SSX2IP: variants seen among roughly 807,000 people sequenced by gnomAD.
SSX2IP encodes SSX family member 2 interacting protein, also known as afadin- and alpha-actinin-binding protein.
SSX2IP carries 55 observed loss-of-function variants against 84.9 expected under a neutral mutation model. The observed-to-expected ratio is 0.65, with a 90% CI of 0.52 to 0.81. SSX2IP has a LOEUF of 0.81. Among genes scored for constraint, SSX2IP ranks in the 30% least tolerant of loss-of-function variants. The probability of loss-of-function intolerance (pLI) is 0.00; values close to 1 mark genes in which losing one functional copy is unlikely to be tolerated. For synonymous variants in SSX2IP, 239 were observed against 234.7 expected (o/e 1.02, Z -0.17); for missense variants, 664 against 705.2 (o/e 0.94, Z 0.66).
intron 8 of SSX2IP, 53 bp from the exon 9 acceptor site, chr1:84,658,521 G>C (rs1651462810): frequency 6.4e-7 from 1 of 1,553,312 alleles, no homozygotes; most frequent in Middle Eastern, 1.7e-4. Flanking sequence ...AATGGCTTTA[G>C]ATGCTCAGGC....
At chr1:84,651,548 T>G (rs1650251832) in intron 12 of SSX2IP, among the ~76,000 whole-genome samples, 1 of 151,772 alleles carries the variant, frequency 6.6e-6, no homozygotes, top group African/African-American at 2.4e-5. Context: ...GCCAATATGG[T>G]AAAAACCCGT....
chr1:84,650,471 T>G lies in SSX2IP; in HGVS notation c.1561A>C (p.Ser521Arg). 1 of 1,614,200 alleles carries G rather than the reference T, an allele frequency of 6.2e-7. No individual in the cohort carries two copies. Residue 521 changes from serine (S) to arginine (R), a missense_variant, in exon 13 of 14, where the codon AGT becomes CGT. Ser to Arg is a moderately radical substitution (Grantham distance 110). Transcript: ENST00000342203. ...CAAACTGGAGACCCATTAGACACAC[T>G]GTGAGGCTTCTTTTGCGGCTGCCTC... ...HSRQPQKKPH[S>R]VSNGSPVCMS... is the part of the protein sequence containing the mutation.
intron 1 of SSX2IP, among the ~76,000 whole-genome samples, chr1:84,673,747 T>C (rs544247020): frequency 1.2e-4 from 18 of 152,108 alleles, no homozygotes; most frequent in African/African-American, 3.9e-4. Flanking sequence ...TGGATTGAAA[T>C]GTGGGCAAAA....
chr1:84,671,240 T>C lies in SSX2IP; in HGVS notation c.-21A>G. The C allele has an allele frequency of 6.2e-7, 1 of 1,608,580 alleles. No homozygotes were observed. The highest frequency in any genetic ancestry group is 8.5e-7 in the Non-Finnish European group (1 of 1,177,156). On this transcript the variant is annotated 5_prime_UTR_variant, in exon 2 of 14. Coordinates refer to ENST00000342203, the MANE Select transcript of SSX2IP (RefSeq NM_001166293.2). ...CCCATAGCAATCTCTAGAGCCAGGA[T>C]ACCTGAGGAACTAGTTCAGCAGTTA...
intron 1 of SSX2IP, among the ~76,000 whole-genome samples, chr1:84,686,658 C>G (rs1296603529): frequency 6.6e-6 from 1 of 152,016 alleles, no homozygotes; most frequent in Non-Finnish European, 1.5e-5. Flanking sequence ...TCAACATAAG[C>G]GAGTGAAGCA....
In SSX2IP at chr1:84,652,011, C is replaced by G; in HGVS notation, c.1390-14G>C. ...AAATGCCTTTCTCTACCATAAACAG[C>G]CAAAGAAATAATGATCAATATTTCA... is the stretch of plus-strand genomic sequence containing the variant. On this transcript the variant is annotated splice_polypyrimidine_tract_variant and intron_variant, in intron 11 of 13. Transcript: ENST00000342203. The G allele has an allele frequency of 6.3e-7, 1 of 1,574,822 alleles. No homozygotes were observed. Among genetic ancestry groups the G allele is most frequent in the Non-Finnish European group, 8.7e-7 (1 of 1,145,008 alleles).
chr1:84,658,135 C>T, intron 9 of SSX2IP, 183 bp downstream of exon 9: 3 of 663,388 alleles, frequency 4.5e-6, no homozygotes, highest in East Asian at 3.0e-5. Flanking sequence ...GGTTCTGTCT[C>T]AAAAAGTAAA....
At chr1:84,679,080 G>C (rs1284432066) in intron 1 of SSX2IP, among the ~76,000 whole-genome samples, 2 of 152,170 alleles carry the variant, frequency 1.3e-5, no homozygotes, top group Non-Finnish European at 2.9e-5. Flanking sequence ...AAAACTAAGT[G>C]TTGGGTTAAG....
At chr1:84,672,454 G>A (rs1653714418) in intron 1 of SSX2IP, among the ~76,000 whole-genome samples, 1 of 152,016 alleles carries the variant, frequency 6.6e-6, no homozygotes, top group Non-Finnish European at 1.5e-5. Context: ...CTGTGGGAAA[G>A]GGGAGTGGCT....
chr1:84,689,715 A>C (rs2102671353), intron 1 of SSX2IP, among the ~76,000 whole-genome samples: 1 of 152,370 alleles, frequency 6.6e-6, no homozygotes, highest in East Asian at 1.9e-4. Flanking sequence ...AAAAATGTGC[A>C]GGGAGCTCAC....
At chr1:84,689,940 C>G (rs1042427875) in intron 1 of SSX2IP, among the ~76,000 whole-genome samples, 15 of 152,174 alleles carry the variant, frequency 9.9e-5, no homozygotes, top group African/African-American at 3.4e-4. Context: ...ACTAGCAAAT[C>G]GCCAAACCCC....
chr1:84,678,472 C>T (rs1245393599), intron 1 of SSX2IP, among the ~76,000 whole-genome samples: 5 of 152,166 alleles, frequency 3.3e-5, no homozygotes, highest in Non-Finnish European at 7.3e-5. Flanking sequence ...TCTCTAAGCC[C>T]TCCATATACT....
At chr1:84,670,023 A>T in intron 3 of SSX2IP, 130 bp from the exon 4 acceptor site, 1 of 630,682 alleles carries the variant, frequency 1.6e-6, no homozygotes, top group South Asian at 2.0e-5. Context: ...ACCTCAGCTA[A>T]TAACTACGTA....
At chr1:84,671,432 T>G in intron 1 of SSX2IP, 124 bp from the exon 2 acceptor site, 1 of 633,204 alleles carries the variant, frequency 1.6e-6, no homozygotes, top group Non-Finnish European at 2.4e-6. Context: ...CCTATTCCCA[T>G]GCACAGATAT....
rs1426100189 is a variant in SSX2IP, at chr1:84,646,815, A to G, written c.*618T>C. ...GAGAATTCTTAAATGTAATGCATCA[A>G]TGGTCCTAATACATCTGTAAACAGA... On this transcript the variant is annotated 3_prime_UTR_variant, in exon 14 of 14. Coordinates refer to ENST00000342203, the MANE Select transcript of SSX2IP (RefSeq NM_001166293.2). 1.3e-5 allele frequency: 2 copies of G among 152,576 alleles called. No homozygotes were observed. Among genetic ancestry groups the G allele is most frequent in the Non-Finnish European group, 2.9e-5 (2 of 68,002 alleles). 9.5% of individuals were successfully genotyped at this position (152,576 alleles called of 1,614,324 possible).
chr1:84,688,100 G>C (rs2102649760), intron 1 of SSX2IP, among the ~76,000 whole-genome samples: 1 of 152,246 alleles, frequency 6.6e-6, no homozygotes, highest in Non-Finnish European at 1.5e-5. Flanking sequence ...TTTAATGAAT[G>C]TTTATTGAAA....
intron 1 of SSX2IP, among the ~76,000 whole-genome samples, chr1:84,681,439 T>G (rs1484673603): frequency 6.6e-6 from 1 of 152,206 alleles, no homozygotes; most frequent in Non-Finnish European, 1.5e-5. Flanking sequence ...TGATCACCAT[T>G]TTTTGTTAAC....
At chr1:84,648,932 T>C (rs1450193172) in intron 13 of SSX2IP, among the ~76,000 whole-genome samples, 1 of 152,228 alleles carries the variant, frequency 6.6e-6, no homozygotes, top group Non-Finnish European at 1.5e-5. Flanking sequence ...TCCACTCCAA[T>C]AGTGCCTCCT....
intron 1 of SSX2IP, among the ~76,000 whole-genome samples, chr1:84,684,526 G>A (rs1459075387): frequency 6.6e-6 from 1 of 152,008 alleles, no homozygotes; most frequent in African/African-American, 2.4e-5. Context: ...GAGGATGGGG[G>A]GAAACTCTGA....
Sources: allele counts gnomAD v4.1 joint callset (sites outside exome capture counted in the v4.1 genomes callset), GRCh38; gene constraint gnomAD v4.1.1; transcripts MANE v1.5; gene names NCBI Gene and HGNC (gene_info 2026-07-23, HGNC 2026-07-21).